Variants in USP31 observed in about 807,000 individuals in gnomAD.
USP31 encodes ubiquitin specific peptidase 31.
USP31 carries 44 observed loss-of-function variants against 119.4 expected under a neutral mutation model. The observed-to-expected ratio is 0.37, with a 90% CI of 0.29 to 0.47. The LOEUF (loss-of-function observed/expected upper bound fraction) is 0.47, where lower values mean the gene tolerates loss of function less well. USP31 is among the 20% of genes least tolerant of loss of function. The pLI, the probability that USP31 is intolerant of heterozygous loss-of-function variation, is 0.99. For missense variants in USP31, 1,643 were observed against 1,730.2 expected (o/e 0.95, Z 0.89); for synonymous variants, 749 against 705.6 (o/e 1.06, Z -0.97).
At chr16:23,086,412 T>A in intron 9 of USP31, among the ~76,000 whole-genome samples, 1 of 134,552 alleles carries the variant, frequency 7.4e-6, no homozygotes, top group East Asian at 2.0e-4. Flanking sequence ...TGTGTATATA[T>A]GTATATTATT....
At chr16:23,124,676 G>C (rs1902789492) in intron 1 of USP31, among the ~76,000 whole-genome samples, 1 of 152,172 alleles carries the variant, frequency 6.6e-6, no homozygotes, top group South Asian at 2.1e-4. Flanking sequence ...ATCACCGAAG[G>C]TCAGGAGTTC....
chr16:23,117,386 T>C (rs1902522767), intron 1 of USP31, among the ~76,000 whole-genome samples: 1 of 152,216 alleles, frequency 6.6e-6, no homozygotes, highest in Non-Finnish European at 1.5e-5. Context: ...GAATAACGAC[T>C]AGTAAAGTAT....
intron 6 of USP31, among the ~76,000 whole-genome samples, chr16:23,101,215 G>A (rs1169405015): frequency 6.6e-6 from 1 of 152,148 alleles, no homozygotes; most frequent in Admixed American, 6.5e-5. Context: ...CTACGTCAGT[G>A]GCAGTAGAAT....
chr16:23,118,436 T>C (rs748860663), intron 1 of USP31, among the ~76,000 whole-genome samples: 9 of 152,180 alleles, frequency 5.9e-5, no homozygotes, highest in Non-Finnish European at 1.0e-4. Flanking sequence ...AGCAGCCCAC[T>C]GCTAATTTTT....
rs1408026542 is a variant in USP31, at chr16:23,094,363, C to T, written c.1235-3559G>A. Among the ~76,000 whole-genome samples the T allele has an allele frequency of 3.3e-5, 5 of 152,224 alleles. No homozygotes were observed. The South Asian group carries it at 6.2e-4, about 19-fold the overall frequency. ...GCCAGGAAGCTCAAACTGGGCAGAG[C>T]CCCTCACAGCTCAGCAAGGCCTGCT... is the stretch of plus-strand genomic sequence containing the variant. On this transcript the variant is annotated intron_variant, in intron 6 of 15. Coordinates refer to ENST00000219689, the MANE Select transcript of USP31 (RefSeq NM_020718.4).
At chr16:23,116,711 C>A (rs1055449801) in intron 1 of USP31, among the ~76,000 whole-genome samples, 1 of 152,150 alleles carries the variant, frequency 6.6e-6, no homozygotes, top group Non-Finnish European at 1.5e-5. Context: ...TGTACTTCCC[C>A]TAGGGCTGGA....
chr16:23,127,724 C>A (rs1404901194), intron 1 of USP31, among the ~76,000 whole-genome samples: 1 of 151,408 alleles, frequency 6.6e-6, no homozygotes, highest in Non-Finnish European at 1.5e-5. Flanking sequence ...GTGATCCACC[C>A]GCCTCGGCCT....
At chr16:23,142,290 C>T (rs867044380) in intron 1 of USP31, among the ~76,000 whole-genome samples, 11 of 152,214 alleles carry the variant, frequency 7.2e-5, no homozygotes, top group African/African-American at 1.4e-4. Flanking sequence ...TGTTGATATA[C>T]GTGTTGAAAC....
chr16:23,112,736 A>T (rs1902361572), intron 1 of USP31, among the ~76,000 whole-genome samples: 2 of 152,096 alleles, frequency 1.3e-5, no homozygotes, highest in South Asian at 4.1e-4. Flanking sequence ...CCTAATTTTA[A>T]AAAAATGAAT....
At chr16:23,125,058 C>G (rs960971528) in intron 1 of USP31, among the ~76,000 whole-genome samples, 3 of 152,190 alleles carry the variant, frequency 2.0e-5, no homozygotes, top group African/African-American at 7.2e-5. Context: ...CACCTCTCTC[C>G]TACCAGCATC....
intron 1 of USP31, among the ~76,000 whole-genome samples, chr16:23,116,216 A>T (rs1902480039): frequency 6.6e-6 from 1 of 152,166 alleles, no homozygotes; most frequent in African/African-American, 2.4e-5. Flanking sequence ...AACAAAAACA[A>T]ACAAACAAAA....
chr16:23,146,964 T>C (rs1903528698), intron 1 of USP31, among the ~76,000 whole-genome samples: 1 of 137,852 alleles, frequency 7.3e-6, no homozygotes, highest in Admixed American at 7.7e-5. Context: ...GCTTGTTCTG[T>C]TTAAAAAAAA....
At chr16:23,130,268 T>C (rs534740839) in intron 1 of USP31, among the ~76,000 whole-genome samples, 1 of 152,270 alleles carries the variant, frequency 6.6e-6, no homozygotes, top group South Asian at 2.1e-4. Flanking sequence ...TAAACTTTAA[T>C]AAGATTCATC....
chr16:23,105,237 T>C (rs571995704), intron 5 of USP31, among the ~76,000 whole-genome samples: 4 of 152,354 alleles, frequency 2.6e-5, no homozygotes, highest in Admixed American at 2.6e-4. Flanking sequence ...TCTTTTAAAA[T>C]TATATACACA....
intron 12 of USP31, among the ~76,000 whole-genome samples, chr16:23,081,280 C>A (rs934777446): frequency 6.6e-6 from 1 of 152,212 alleles, no homozygotes; most frequent in South Asian, 2.1e-4. Flanking sequence ...GGAGAAACAG[C>A]AGGCTGGGAT....
At chr16:23,074,107 CTTAGAAAACACATACTTAT>C in intron 13 of USP31, 1 of 543,600 alleles carries the variant, frequency 1.8e-6, no homozygotes, top group Non-Finnish European at 3.3e-6. Flanking sequence ...TCCAGTTCAT[CTTAGAAAACACATACTTAT>C]TTAAACCAAT....
At chr16:23,073,987 T>C in intron 13 of USP31, 107 bp from the exon 14 acceptor site, 1 of 1,453,098 alleles carries the variant, frequency 6.9e-7, no homozygotes, top group South Asian at 1.2e-5. Context: ...AAGAACGTTT[T>C]AAGGCTGCGT....
At chr16:23,097,525 A>C (rs1901665716) in intron 6 of USP31, among the ~76,000 whole-genome samples, 1 of 152,200 alleles carries the variant, frequency 6.6e-6, no homozygotes, top group South Asian at 2.1e-4. Context: ...ACAACAAATA[A>C]AAGAATTTTA....
chr16:23,094,321 A>G (rs1901507505), intron 6 of USP31, among the ~76,000 whole-genome samples: 1 of 152,226 alleles, frequency 6.6e-6, no homozygotes, highest in African/African-American at 2.4e-5. Context: ...CTGAGGCTTG[A>G]GTAGGTAAAC....
Sources: gnomAD v4.1 joint callset for allele counts (sites outside exome capture counted in the v4.1 genomes callset) on GRCh38, gnomAD v4.1.1 for gene constraint, MANE v1.5 for transcripts, NCBI Gene and HGNC (gene_info 2026-07-23, HGNC 2026-07-21) for gene names.